Variants in CYP2J2 observed in about 807,000 individuals in gnomAD.
CYP2J2 encodes the protein cytochrome P450 family 2 subfamily J member 2.
CYP2J2 carries 41 observed loss-of-function variants against 48.8 expected under a neutral mutation model. The observed-to-expected ratio is 0.84, with a 90% CI of 0.66 to 1.09. The LOEUF (loss-of-function observed/expected upper bound fraction) is 1.09. CYP2J2 is among the 50% of genes least tolerant of loss of function. CYP2J2 has a pLI of 0.00. For synonymous variants in CYP2J2, 221 were observed against 227.1 expected (o/e 0.97, Z 0.24); for missense variants, 644 against 617.3 (o/e 1.04, Z -0.46).
At chr1:59,932,284 A>G in the CYP2J2 span, among the ~76,000 whole-genome samples, 1 of 152,140 alleles carries the variant, frequency 6.6e-6, no homozygotes, top group Non-Finnish European at 1.5e-5. Flanking sequence ...TTTCATGAAG[A>G]TTTTATTGAG....
At chr1:59,963,223 C>A in the CYP2J2 span, among the ~76,000 whole-genome samples, 2 of 152,100 alleles carry the variant, frequency 1.3e-5, no homozygotes, top group Admixed American at 1.3e-4. Context: ...CCATTTTAAT[C>A]ATTTTTAAGT....
At chr1:59,924,724 A>T (rs1030535011) in intron 1 of CYP2J2, among the ~76,000 whole-genome samples, 1 of 152,100 alleles carries the variant, frequency 6.6e-6, no homozygotes, top group Non-Finnish European at 1.5e-5. Flanking sequence ...CAAGTAATTC[A>T]CAGGAAGATA....
At chr1:59,939,881 T>A in the CYP2J2 span, among the ~76,000 whole-genome samples, 634 of 152,258 alleles carry the variant, frequency 4.2e-3, 8 homozygotes, top group African/African-American at 0.015. Context: ...TGGAGAGTAC[T>A]GCTGGGCTAC....
upstream of CYP2J2, among the ~76,000 whole-genome samples, chr1:59,929,882 C>T (rs1043085698): frequency 3.3e-5 from 5 of 152,002 alleles, no homozygotes; most frequent in East Asian, 1.9e-4. Context: ...CAAAATTTCA[C>T]GAAAAGCATT....
chr1:59,943,418 T>C, the CYP2J2 span, among the ~76,000 whole-genome samples: 40 of 152,316 alleles, frequency 2.6e-4, no homozygotes, highest in Middle Eastern at 6.8e-3. Context: ...TGATGTTTTC[T>C]GGGCACATAG....
intron 1 of CYP2J2, among the ~76,000 whole-genome samples, chr1:59,921,822 CTG>C (rs2102137981): frequency 6.6e-6 from 1 of 152,208 alleles, no homozygotes; most frequent in East Asian, 1.9e-4. Context: ...TATGGATAGA[CTG>C]TGTTTCTGTT....
chr1:59,909,667 A>G (rs1432732020), intron 5 of CYP2J2, 117 bp downstream of exon 5: 1 of 668,706 alleles, frequency 1.5e-6, no homozygotes, highest in Admixed American at 3.5e-5. Context: ...TGAGAGAATC[A>G]ATCTGTGCTA....
chr1:59,911,573 T>C (rs199747351), intron 4 of CYP2J2, 35 bp downstream of exon 4: 21 of 1,460,242 alleles, frequency 1.4e-5, no homozygotes, highest in Non-Finnish European at 3.7e-6. Flanking sequence ...GGCCCCAATT[T>C]ACTGAACAAA....
chr1:59,935,013 TAC>T, the CYP2J2 span, among the ~76,000 whole-genome samples: 3,119 of 39,478 alleles, frequency 0.079, 123 homozygotes, highest in African/African-American at 0.13. Context: ...TATATATATA[TAC>T]ATATATATAT....
chr1:59,946,064 C>T, the CYP2J2 span, among the ~76,000 whole-genome samples: 3 of 152,180 alleles, frequency 2.0e-5, no homozygotes, highest in Non-Finnish European at 4.4e-5. Context: ...AAAACAAAAT[C>T]AGATCATGCC....
At chr1:59,915,489 C>T (rs984277852) in intron 2 of CYP2J2, among the ~76,000 whole-genome samples, 4 of 152,098 alleles carry the variant, frequency 2.6e-5, no homozygotes, top group African/African-American at 9.7e-5. Context: ...CCAATCTGTT[C>T]TATCATAGAC....
chr1:59,952,933 A>G, the CYP2J2 span, among the ~76,000 whole-genome samples: 1 of 152,202 alleles, frequency 6.6e-6, no homozygotes, highest in East Asian at 1.9e-4. Flanking sequence ...GGGAAACAGG[A>G]TCAGGTACAC....
At chr1:59,914,227 A>G (rs75927907) in intron 2 of CYP2J2, among the ~76,000 whole-genome samples, 273 of 152,334 alleles carry the variant, frequency 1.8e-3, no homozygotes, top group Non-Finnish European at 1.5e-3. Context: ...TATGGATTTT[A>G]TCTATTCTTC....
At chr1:59,907,986 G>GT in intron 5 of CYP2J2, 59 bp from the exon 6 acceptor site, 1 of 1,544,408 alleles carries the variant, frequency 6.5e-7, no homozygotes, top group Non-Finnish European at 8.9e-7. Flanking sequence ...CCTGATTGCC[G>GT]TAACACAAAG....
the CYP2J2 span, among the ~76,000 whole-genome samples, chr1:59,953,506 ATGTGTG>A: frequency 2.0e-5 from 3 of 150,338 alleles, no homozygotes; most frequent in South Asian, 4.2e-4. Flanking sequence ...CAGTGTGTAT[ATGTGTG>A]TGTGTGTGTG....
the CYP2J2 span, among the ~76,000 whole-genome samples, chr1:59,945,547 T>A: frequency 6.6e-6 from 1 of 152,220 alleles, no homozygotes; most frequent in South Asian, 2.1e-4. Flanking sequence ...TATGCTAATA[T>A]GAGCCTTTTT....
chr1:59,955,177 A>AT, the CYP2J2 span, among the ~76,000 whole-genome samples: 1 of 148,614 alleles, frequency 6.7e-6, no homozygotes, highest in African/African-American at 2.5e-5. Context: ...AAATAATTAA[A>AT]AAAATAAAAA....
chr1:59,963,801 T>A, the CYP2J2 span, among the ~76,000 whole-genome samples: 1 of 152,220 alleles, frequency 6.6e-6, no homozygotes, highest in African/African-American at 2.4e-5. Context: ...CTAAGCTGTT[T>A]TCTCATCTGC....
the CYP2J2 span, among the ~76,000 whole-genome samples, chr1:59,964,868 C>T: frequency 6.6e-6 from 1 of 152,114 alleles, no homozygotes; most frequent in Non-Finnish European, 1.5e-5. Context: ...TATCTCTTCA[C>T]ACTATGTGGA....
Sources: gnomAD v4.1 joint callset for allele counts (sites outside exome capture counted in the v4.1 genomes callset) on GRCh38, gnomAD v4.1.1 for gene constraint, MANE v1.5 for transcripts, NCBI Gene and HGNC (gene_info 2026-07-23, HGNC 2026-07-21) for gene names.